The following MGAT4C variants were observed in gnomAD, a reference collection of about 807,000 sequenced individuals.
The protein encoded by MGAT4C is MGAT4 family member C.
A neutral mutation model predicts 40.1 loss-of-function variants in MGAT4C; 19 were observed. That is an observed-to-expected ratio of 0.47 (90% confidence interval 0.33 to 0.70). MGAT4C has a LOEUF of 0.70. Ranked by LOEUF, MGAT4C falls within the 30% of genes least tolerant of loss-of-function variation. The pLI is 0.02. For missense variants in MGAT4C, 491 were observed against 563.2 expected, an observed-to-expected ratio of 0.87 and a Z score of 1.30; for synonymous variants, 181 against 187.1, an observed-to-expected ratio of 0.97 and a Z score of 0.27.
chr12:86,147,559 T>C (rs1883717081), intron 1 of MGAT4C, among the ~76,000 whole-genome samples: 1 of 152,198 alleles, frequency 6.6e-6, no homozygotes, highest in African/African-American at 2.4e-5. Context: ...GTTTTAACAG[T>C]ACATTTTTAA....
chr12:86,691,142 A>G (rs1950166352), intron 2 of MGAT4C, among the ~76,000 whole-genome samples: 2 of 152,170 alleles, frequency 1.3e-5, no homozygotes, highest in Non-Finnish European at 2.9e-5. Context: ...TTTAAGTCTT[A>G]CTACTTCCGT....
intron 3 of MGAT4C, among the ~76,000 whole-genome samples, chr12:86,415,457 G>A (rs1956690015): frequency 6.6e-6 from 1 of 151,998 alleles, no homozygotes; most frequent in Non-Finnish European, 1.5e-5. Flanking sequence ...GAATACACAG[G>A]AGTATCATGG....
chr12:86,384,189 CAG>C (rs1245093216), intron 3 of MGAT4C, among the ~76,000 whole-genome samples: 1 of 152,116 alleles, frequency 6.6e-6, no homozygotes, highest in Non-Finnish European at 1.5e-5. Flanking sequence ...GTAAATTGCC[CAG>C]TCTCAGGTAT....
chr12:86,326,333 C>CAT lies in MGAT4C; in HGVS notation c.-57+7731_-57+7732insAT, dbSNP rs200764814. ...ACACACACACACACACACACACACA[C>CAT]GGTAATTATGTAAGGTGATTTATAT... is the stretch of plus-strand genomic sequence containing the variant. On this transcript the variant is annotated intron_variant, in intron 4 of 7. Coordinates refer to the MGAT4C transcript ENST00000548651. Among the ~76,000 whole-genome samples the CAT allele has an allele frequency of 7.9e-4, 117 of 148,590 alleles. 1 individual carries two copies. The highest frequency in any genetic ancestry group is 2.8e-3 in the African/African-American group (113 of 39,824).
At chr12:86,317,561 G>GACT (rs976876898) in intron 4 of MGAT4C, among the ~76,000 whole-genome samples, 3 of 152,046 alleles carry the variant, frequency 2.0e-5, no homozygotes, top group Non-Finnish European at 4.4e-5. Flanking sequence ...ATGACATTGA[G>GACT]AGTAGGAAGG....
intron 1 of MGAT4C, among the ~76,000 whole-genome samples, chr12:86,102,082 C>T (rs839094): frequency 0.89 from 135,582 of 151,876 alleles, 60,833 homozygotes; most frequent in East Asian, 1. Context: ...TAATGTCTTT[C>T]ATATCTTATT....
At chr12:85,999,068 A>C (rs926196862) in intron 2 of MGAT4C, among the ~76,000 whole-genome samples, 5 of 152,190 alleles carry the variant, frequency 3.3e-5, no homozygotes, top group Non-Finnish European at 5.9e-5. Flanking sequence ...AGAAAGAACA[A>C]GTCATGTCTT....
At chr12:86,021,996 T>C (rs889655638) in intron 2 of MGAT4C, among the ~76,000 whole-genome samples, 1 of 152,216 alleles carries the variant, frequency 6.6e-6, no homozygotes, top group Non-Finnish European at 1.5e-5. Flanking sequence ...ATGCTCAGAT[T>C]ACGAATCATT....
intron 4 of MGAT4C, among the ~76,000 whole-genome samples, chr12:86,268,418 A>G (rs1952842857): frequency 6.6e-6 from 1 of 151,934 alleles, no homozygotes; most frequent in Non-Finnish European, 1.5e-5. Context: ...ATAGATTTAA[A>G]AACATTGAAA....
chr12:86,686,796 C>T (rs1214769049), intron 2 of MGAT4C, among the ~76,000 whole-genome samples: 1 of 152,134 alleles, frequency 6.6e-6, no homozygotes, highest in Non-Finnish European at 1.5e-5. Context: ...CTGAATTTTT[C>T]TCTTTTTGTT....
At chr12:86,352,616 A>G (rs1246574511) in intron 3 of MGAT4C, among the ~76,000 whole-genome samples, 1 of 152,116 alleles carries the variant, frequency 6.6e-6, no homozygotes, top group African/African-American at 2.4e-5. Context: ...ACATAGATAC[A>G]TTATACTTCT....
At chr12:86,525,125 A>G (rs1284502509) in intron 2 of MGAT4C, among the ~76,000 whole-genome samples, 2 of 152,138 alleles carry the variant, frequency 1.3e-5, no homozygotes, top group Non-Finnish European at 2.9e-5. Flanking sequence ...TTGAATTGTA[A>G]TCTCCACATG....
At chr12:86,754,948 C>A (rs1005542681) in intron 1 of MGAT4C, among the ~76,000 whole-genome samples, 1 of 151,920 alleles carries the variant, frequency 6.6e-6, no homozygotes, top group Non-Finnish European at 1.5e-5. Context: ...CATGGTGAGT[C>A]TCTCAAATAA....
At chr12:86,274,426 T>C (rs1328860267) in intron 4 of MGAT4C, among the ~76,000 whole-genome samples, 1 of 152,126 alleles carries the variant, frequency 6.6e-6, no homozygotes, top group African/African-American at 2.4e-5. Context: ...ATGTTTCCCA[T>C]TGATAAAACT....
intron 1 of MGAT4C, among the ~76,000 whole-genome samples, chr12:86,735,900 A>T (rs1299801177): frequency 6.6e-6 from 1 of 151,822 alleles, no homozygotes; most frequent in Non-Finnish European, 1.5e-5. Flanking sequence ...TTTTCCAATG[A>T]TAACCTTTCT....
At chr12:86,481,897 C>A (rs1333349610) in intron 2 of MGAT4C, among the ~76,000 whole-genome samples, 1 of 151,940 alleles carries the variant, frequency 6.6e-6, no homozygotes, top group East Asian at 1.9e-4. Context: ...GAATTATAGG[C>A]ATGAGCCACC....
At chr12:86,714,030 A>T (rs1950601890) in intron 2 of MGAT4C, among the ~76,000 whole-genome samples, 1 of 152,208 alleles carries the variant, frequency 6.6e-6, no homozygotes, top group Non-Finnish European at 1.5e-5. Context: ...AATTTCATAT[A>T]GGAAGCAACA....
At chr12:86,806,454 G>GAGAT (rs1452635122) in intron 1 of MGAT4C, among the ~76,000 whole-genome samples, 1 of 151,546 alleles carries the variant, frequency 6.6e-6, no homozygotes, top group African/African-American at 2.4e-5. Flanking sequence ...GTGTGTGAGA[G>GAGAT]AGAGAGTATA....
intron 1 of MGAT4C, among the ~76,000 whole-genome samples, chr12:86,823,450 A>G (rs537039322): frequency 1.5e-4 from 23 of 150,730 alleles, no homozygotes; most frequent in South Asian, 1.2e-3. Flanking sequence ...AAAAATCTAA[A>G]TTTACGGAAA....
Sources: gnomAD v4.1 joint callset for allele counts (sites outside exome capture counted in the v4.1 genomes callset) on GRCh38, gnomAD v4.1.1 for gene constraint, MANE v1.5 for transcripts, NCBI Gene and HGNC (gene_info 2026-07-23, HGNC 2026-07-21) for gene names.